Variants in PLAGL1 observed in about 807,000 individuals in gnomAD.
The protein encoded by PLAGL1 is PLAG1 like zinc finger 1.
PLAGL1 carries 1 observed loss-of-function variant against 4.6 expected under a neutral mutation model. The ratio of observed to expected loss-of-function variants is 0.22; its 90% CI spans 0.08 to 1.03. The LOEUF (loss-of-function observed/expected upper bound fraction) is 1.03. Among genes scored for constraint, PLAGL1 ranks in the 50% least tolerant of loss-of-function variants. The pLI, the probability that PLAGL1 is intolerant of heterozygous loss-of-function variation, is 0.58. For synonymous variants in PLAGL1, 240 were observed against 237.8 expected, an observed-to-expected ratio of 1.01 and a Z score of -0.08; for missense variants, 464 against 570.4, an observed-to-expected ratio of 0.81 and a Z score of 1.90.
Position 143,966,718 on chromosome 6 carries a change from T to C in PLAGL1, c.-471-520A>G, listed in dbSNP as rs1232420516. The C allele has an allele frequency of 6.6e-6, 1 of 152,222 alleles. No individual in the cohort carries two copies. Among genetic ancestry groups the C allele is most frequent in the African/African-American group, 2.4e-5 (1 of 41,454 alleles). 9.4% of individuals were successfully genotyped at this position (152,222 alleles called of 1,614,324 possible). ...CCAAATAAAGTATTCTTTGTTATAGTATAAGCATGCATAATTTCTAGCATT... is the reference window on the plus strand; with the variant it reads ...CCAAATAAAGTATTCTTTGTTATAGCATAAGCATGCATAATTTCTAGCATT... On this transcript the variant is annotated intron_variant, in intron 3 of 7. Transcript: ENST00000674357. This position sits in a 1 kb window ranked among gnomAD's most constrained non-coding sequence, Gnocchi z 6.0.
chr6:144,054,601 G>T (rs1186911919), intron 1 of PLAGL1, among the ~76,000 whole-genome samples: 1 of 152,150 alleles, frequency 6.6e-6, no homozygotes, highest in Non-Finnish European at 1.5e-5. Flanking sequence ...CCTGTCAGGG[G>T]TCGGAGGCGA....
intron 1 of PLAGL1, among the ~76,000 whole-genome samples, chr6:144,023,575 C>T (rs910943507): frequency 4.5e-4 from 68 of 151,954 alleles, no homozygotes; most frequent in Admixed American, 3.9e-3. Flanking sequence ...AGTTGTTTCC[C>T]GTGGGGGTAC....
rs1474415186 is a variant in PLAGL1, at chr6:143,958,963, C to G, written c.-325+1506G>C. Reference sequence around the variant, plus strand: ...TTAGGTCCTTTGTTTGTTTAACAAACCATTACAATCATACCCAGTTCAATG... The same window carrying G: ...TTAGGTCCTTTGTTTGTTTAACAAAGCATTACAATCATACCCAGTTCAATG... On this transcript the variant is annotated intron_variant, in intron 6 of 7. Transcript: ENST00000674357. The surrounding 1 kb of genome is among the most constrained non-coding windows in gnomAD (Gnocchi z 5.1). 2.6e-5 allele frequency among the ~76,000 whole-genome samples: 4 copies of G among 152,208 alleles called. No homozygotes were observed. The highest frequency in any genetic ancestry group is 9.7e-5 in the African/African-American group (4 of 41,446).
Position 143,997,221 on chromosome 6 carries a change from CAT to C in PLAGL1, c.-584+10867_-584+10868del, listed in dbSNP as rs61023463. Among the ~76,000 whole-genome samples the C allele has an allele frequency of 6.7e-3, 1,014 of 152,294 alleles. 42 individuals are homozygous for C. The East Asian group carries it at 0.11, about 17-fold the overall frequency. On this transcript the variant is annotated intron_variant, in intron 1 of 7. Transcript: ENST00000674357. The surrounding 1 kb of genome is among the most constrained non-coding windows in gnomAD (Gnocchi z 4.6). ...ACTCTATTGCTAGCAAAAGTGTACA[CAT>C]ATGCATTCAGTTTTGTAAACTGTTT...
At position 144,046,997 on chromosome 6, in the gene PLAGL1, C is replaced by T. The variant is rs151172388; in HGVS notation, c.-151+17471G>A. Among the ~76,000 whole-genome samples the T allele has an allele frequency of 1.6e-3, 249 of 152,358 alleles. 7 individuals carry two copies. In the East Asian group the frequency reaches 0.041, roughly 25 times the overall value. On this transcript the variant is annotated intron_variant, in intron 1 of 3. Transcript: ENST00000437412. ...CAAGGCTCTGTGGGCGTGGGACCCGCTGAGCCAGGAGCAGGATATGATCTC... is the reference window on the plus strand; with the variant it reads ...CAAGGCTCTGTGGGCGTGGGACCCGTTGAGCCAGGAGCAGGATATGATCTC...
intron 1 of PLAGL1, among the ~76,000 whole-genome samples, chr6:144,019,146 A>G (rs1194083007): frequency 6.6e-6 from 1 of 152,222 alleles, no homozygotes; most frequent in Non-Finnish European, 1.5e-5. Flanking sequence ...ACTGAATGCA[A>G]TACTTCATTC....
intron 1 of PLAGL1, among the ~76,000 whole-genome samples, chr6:144,002,883 C>CTTTTT (rs34276412): frequency 4.9e-5 from 7 of 144,036 alleles, no homozygotes; most frequent in African/African-American, 5.1e-5. Context: ...TTCTGGTAGG[C>CTTTTT]TTTTTTTTTT....
chr6:143,978,243 T>C lies in PLAGL1; in HGVS notation c.-544+6892A>G, dbSNP rs1787147269. 6.6e-6 allele frequency among the ~76,000 whole-genome samples: 1 copy of C among 152,202 alleles called. No individual in the cohort carries two copies. The highest frequency in any genetic ancestry group is 1.5e-5 in the Non-Finnish European group (1 of 68,014). On this transcript the variant is annotated intron_variant, in intron 2 of 7. Transcript: ENST00000674357. The surrounding 1 kb of genome is among the most constrained non-coding windows in gnomAD (Gnocchi z 4.6). ...TGCAGGTTTAATTTGTTTCTCTTTT[T>C]CTAGTTTCCAAAGGTGGAAACTGAG... is the stretch of plus-strand genomic sequence containing the variant.
rs181893811 is a variant in PLAGL1 at position 143,944,742 on chromosome 6, A to G, written c.153-2079T>C. On this transcript the variant is annotated intron_variant, in intron 7 of 7. Coordinates refer to ENST00000674357, the MANE Select transcript of PLAGL1 (RefSeq NM_001317162.2). ...ATATATATATATATCGCAGGAATACATATGAAGGGGGGAGCTGGCTTACAC... is the reference window on the plus strand; with the variant it reads ...ATATATATATATATCGCAGGAATACGTATGAAGGGGGGAGCTGGCTTACAC... 8.6e-5 allele frequency among the ~76,000 whole-genome samples: 13 copies of G among 151,904 alleles called. No individual in the cohort carries two copies. In the East Asian group the frequency reaches 2.5e-3, roughly 30 times the overall value.
chr6:144,012,534 G>A (rs552055778), upstream of PLAGL1, among the ~76,000 whole-genome samples: 2 of 152,272 alleles, frequency 1.3e-5, no homozygotes, highest in African/African-American at 4.8e-5. This position sits in a 1 kb window ranked among gnomAD's most constrained non-coding sequence, Gnocchi z 4.8. Flanking sequence ...ACCATGCCTG[G>A]ATGATTTAGT....
intron 1 of PLAGL1, among the ~76,000 whole-genome samples, chr6:144,044,999 G>GTTTTTTT: frequency 7.0e-5 from 1 of 14,282 alleles, no homozygotes; most frequent in Non-Finnish European, 1.4e-4. Flanking sequence ...TGCAACCCCT[G>GTTTTTTT]CTTTTTTTTT....
Position 144,050,318 on chromosome 6 carries a change from T to C in PLAGL1, c.-151+14150A>G, listed in dbSNP as rs1798488919. ...TTCCCCTTGAAATCGACTGCTGAAC[T>C]CAACTAAGTGAAATATGTCCATAAC... is the stretch of plus-strand genomic sequence containing the variant. On this transcript the variant is annotated intron_variant, in intron 1 of 3. Transcript: ENST00000437412. The surrounding 1 kb of genome is among the most constrained non-coding windows in gnomAD (Gnocchi z 4.3). Among the ~76,000 whole-genome samples, 1 of 152,162 alleles carries C rather than the reference T, an allele frequency of 6.6e-6. No individual in the cohort carries two copies. The highest frequency in any genetic ancestry group is 1.5e-5 in the Non-Finnish European group (1 of 68,044).
At chr6:144,003,204 G>A (rs1562546332) in intron 1 of PLAGL1, among the ~76,000 whole-genome samples, 1 of 152,006 alleles carries the variant, frequency 6.6e-6, no homozygotes, top group South Asian at 2.1e-4. Flanking sequence ...GTAGATGGAT[G>A]TCCATATACA....
At chr6:144,062,799 C>T (rs1206931934) in intron 1 of PLAGL1, among the ~76,000 whole-genome samples, 3 of 152,200 alleles carry the variant, frequency 2.0e-5, no homozygotes, top group Non-Finnish European at 2.9e-5. Flanking sequence ...ATCCCCAACA[C>T]ATGTCTGTTG....
rs989079995 is a variant in PLAGL1 at position 144,055,835 on chromosome 6, T to C, written c.-151+8633A>G. 6.6e-5 allele frequency among the ~76,000 whole-genome samples: 10 copies of C among 152,342 alleles called. No homozygotes were observed. Among genetic ancestry groups the C allele is most frequent in the African/African-American group, 2.4e-4 (10 of 41,592 alleles). On this transcript the variant is annotated intron_variant, in intron 1 of 3. Transcript: ENST00000437412. This position sits in a 1 kb window ranked among gnomAD's most constrained non-coding sequence, Gnocchi z 5.0. ...CCCCATGAACGATACACAGCCACTGTCTTTCTTTGGGTACTACATTCACAC... is the reference window on the plus strand; with the variant it reads ...CCCCATGAACGATACACAGCCACTGCCTTTCTTTGGGTACTACATTCACAC...
chr6:143,957,732 G>T lies in PLAGL1; in HGVS notation c.-325+2737C>A, dbSNP rs1161859636. 6.6e-6 allele frequency among the ~76,000 whole-genome samples: 1 copy of T among 152,182 alleles called. No individual in the cohort carries two copies. Among genetic ancestry groups the T allele is most frequent in the Non-Finnish European group, 1.5e-5 (1 of 68,032 alleles). Reference sequence around the variant, plus strand: ...GTTTGTGAGTGAAAATCACCGGAATGACCTTGAAGGATCTGAGATCTAGAA... The same window carrying T: ...GTTTGTGAGTGAAAATCACCGGAATTACCTTGAAGGATCTGAGATCTAGAA... On this transcript the variant is annotated intron_variant, in intron 6 of 7. Transcript: ENST00000674357. The surrounding 1 kb of genome is among the most constrained non-coding windows in gnomAD (Gnocchi z 4.2).
rs1311640284 is a variant in PLAGL1, at chr6:143,952,434, A to T, written c.-324-3974T>A. Reference sequence around the variant, plus strand: ...AGTAAGTCTTACCCCAAAACATCTCAGGACATAATTTTCAGTCCCCTTGAT... The same window carrying T: ...AGTAAGTCTTACCCCAAAACATCTCTGGACATAATTTTCAGTCCCCTTGAT... On this transcript the variant is annotated intron_variant, in intron 6 of 7. Coordinates refer to ENST00000674357, the MANE Select transcript of PLAGL1 (RefSeq NM_001317162.2). This position sits in a 1 kb window ranked among gnomAD's most constrained non-coding sequence, Gnocchi z 6.1. Among the ~76,000 whole-genome samples the T allele has an allele frequency of 6.7e-6, 1 of 150,042 alleles. No individual in the cohort carries two copies. The highest frequency in any genetic ancestry group is 1.5e-5 in the Non-Finnish European group (1 of 67,862).
chr6:143,990,676 C>G lies in PLAGL1; in HGVS notation c.-583-5502G>C, dbSNP rs570398762. Among the ~76,000 whole-genome samples the G allele has an allele frequency of 1.3e-5, 2 of 152,310 alleles. No individual in the cohort carries two copies. The highest frequency in any genetic ancestry group is 4.1e-4 in the South Asian group (2 of 4,826). On this transcript the variant is annotated intron_variant, in intron 1 of 7. Transcript: ENST00000674357. The surrounding 1 kb of genome is among the most constrained non-coding windows in gnomAD (Gnocchi z 5.4). ...GGACACTGAGGCTCAAGAGAGATTA[C>G]TAGGTTGAGATAGTAAAAACGTACC...
intron 1 of PLAGL1, among the ~76,000 whole-genome samples, chr6:144,002,275 C>T (rs969622425): frequency 3.6e-4 from 55 of 152,206 alleles, no homozygotes; most frequent in African/African-American, 1.3e-3. Flanking sequence ...AAAATTTCCT[C>T]AATCTGGTAA....
Sources: allele counts gnomAD v4.1 joint callset (sites outside exome capture counted in the v4.1 genomes callset), GRCh38; gene constraint gnomAD v4.1.1; non-coding constraint Gnocchi (gnomAD v3.1); transcripts MANE v1.5; gene names NCBI Gene and HGNC (gene_info 2026-07-23, HGNC 2026-07-21).